The following ESR1 variants were observed in gnomAD, a reference collection of about 807,000 sequenced individuals.
The protein encoded by ESR1 is estrogen receptor 1.
A neutral mutation model predicts 52.7 loss-of-function variants in ESR1; 12 were observed. The ratio of observed to expected loss-of-function variants is 0.23; its 90% CI spans 0.15 to 0.37. ESR1 has a LOEUF of 0.37. Ranked by LOEUF, ESR1 falls within the 10% of genes least tolerant of loss-of-function variation. The pLI is 1.00. For missense variants in ESR1, 584 were observed against 779.7 expected, an observed-to-expected ratio of 0.75 and a Z score of 2.99; for synonymous variants, 305 against 316.8, an observed-to-expected ratio of 0.96 and a Z score of 0.39.
intron 2 of ESR1, among the ~76,000 whole-genome samples, chr6:151,795,801 T>C (rs962721976): frequency 3.9e-5 from 6 of 152,158 alleles, no homozygotes; most frequent in Non-Finnish European, 1.5e-5. Context: ...AATGGGGAAC[T>C]GGTAAAATAA....
At chr6:151,961,361 G>C (rs1422576961) in intron 4 of ESR1, among the ~76,000 whole-genome samples, 1 of 152,180 alleles carries the variant, frequency 6.6e-6, no homozygotes, top group African/African-American at 2.4e-5. Flanking sequence ...TGCTGCTATT[G>C]GGTCAAGTAG....
intron 2 of ESR1, among the ~76,000 whole-genome samples, chr6:151,796,341 G>A (rs1052110890): frequency 4.6e-5 from 7 of 152,128 alleles, no homozygotes; most frequent in Non-Finnish European, 1.0e-4. Context: ...ATGTGTGTGT[G>A]TGTTTTCTTC....
chr6:151,796,240 A>G (rs1048722812), intron 2 of ESR1, among the ~76,000 whole-genome samples: 1 of 152,142 alleles, frequency 6.6e-6, no homozygotes, highest in African/African-American at 2.4e-5. Flanking sequence ...AAAGATATCC[A>G]AGATATGTTG....
chr6:151,732,512 A>ATGTTTGTGTATGTGTGTG (rs1422772421), intron 2 of ESR1, among the ~76,000 whole-genome samples: 5 of 144,986 alleles, frequency 3.4e-5, no homozygotes, highest in Non-Finnish European at 7.5e-5. Flanking sequence ...GGGTTCCTTT[A>ATGTTTGTGTATGTGTGTG]TGTTTGTGTA....
At chr6:151,942,684 C>G (rs986556204) in intron 3 of ESR1, among the ~76,000 whole-genome samples, 2 of 151,068 alleles carry the variant, frequency 1.3e-5, no homozygotes, top group African/African-American at 4.9e-5. Flanking sequence ...TGTCCAAATA[C>G]CTTGACAAAT....
chr6:151,952,933 C>T (rs1029697548), intron 4 of ESR1, among the ~76,000 whole-genome samples: 1 of 152,198 alleles, frequency 6.6e-6, no homozygotes. Context: ...GGGTAGCTTT[C>T]ATTTAAATAA....
rs556997351 is a variant in ESR1 at position 152,004,243 on chromosome 6, A to T, written c.1097-7413A>T. On this transcript the variant is annotated intron_variant, in intron 4 of 7. Coordinates refer to ENST00000206249, the MANE Select transcript of ESR1 (RefSeq NM_000125.4). ...ATGTCCAGAGCAGGGAAAAGCTGCT[A>T]AAGAATGTTTGAAGTAGAGTCAGAA... Among the ~76,000 whole-genome samples the T allele has an allele frequency of 2.0e-5, 3 of 152,142 alleles. No individual in the cohort carries two copies. In the South Asian group the frequency reaches 6.2e-4, roughly 32 times the overall value.
chr6:152,078,548 C>T (rs550644598), intron 6 of ESR1, among the ~76,000 whole-genome samples: 14 of 152,138 alleles, frequency 9.2e-5, no homozygotes, highest in East Asian at 3.9e-4. Flanking sequence ...TAGCTCCCAG[C>T]GAGATCGAAG....
rs1245038477 is a variant in ESR1, at chr6:152,084,331, T to C, written c.1370-10054T>C. On this transcript the variant is annotated intron_variant, in intron 6 of 7. Coordinates refer to ENST00000206249, the MANE Select transcript of ESR1 (RefSeq NM_000125.4). ...AGAAATACCTAATGTAAATGATGAG[T>C]TGATGGGTGCAGCAAACCAACATGG... Among the ~76,000 whole-genome samples, 5 of 151,750 alleles carry C rather than the reference T, an allele frequency of 3.3e-5. 1 individual carries two copies. The South Asian group carries it at 1.0e-3, about 32-fold the overall frequency.
At position 151,949,931 on chromosome 6, in the gene ESR1, G is replaced by C. The variant is rs7742045; in HGVS notation, c.1096+5423G>C. Among the ~76,000 whole-genome samples, 632 of 152,326 alleles carry C rather than the reference G, an allele frequency of 4.1e-3. 2 individuals carry two copies. Among genetic ancestry groups the C allele is most frequent in the African/African-American group, 0.014 (579 of 41,558 alleles). On this transcript the variant is annotated intron_variant, in intron 4 of 7. Coordinates refer to ENST00000206249, the MANE Select transcript of ESR1 (RefSeq NM_000125.4). Reference sequence around the variant, plus strand: ...TCAGTGAGTGATATGGTTTGCCTGTGTCCCCACCCAAATTTCATCTTGAAT... The same window carrying C: ...TCAGTGAGTGATATGGTTTGCCTGTCTCCCCACCCAAATTTCATCTTGAAT...
At chr6:152,073,158 C>T (rs540668440) in intron 6 of ESR1, among the ~76,000 whole-genome samples, 8 of 152,036 alleles carry the variant, frequency 5.3e-5, no homozygotes, top group South Asian at 4.2e-4. Context: ...TGAAGAGTTT[C>T]GGAAATGTGA....
chr6:152,082,301 G>C (rs916474647), intron 6 of ESR1, among the ~76,000 whole-genome samples: 18 of 152,164 alleles, frequency 1.2e-4, no homozygotes, highest in Admixed American at 5.2e-4. Flanking sequence ...TGCAAGACTG[G>C]TTCAACATAC....
chr6:151,837,869 CCTT>C lies in ESR1; in HGVS notation c.453-4726_453-4724del, dbSNP rs148594338. 3.7e-3 allele frequency among the ~76,000 whole-genome samples: 570 copies of C among 152,258 alleles called. 3 individuals are homozygous for C. Among genetic ancestry groups the C allele is most frequent in the African/African-American group, 0.013 (536 of 41,546 alleles). ...TAATTTTGCTAAAGAAGTAGGTAAA[CCTT>C]CACTTATAATAAAGGGATAGGGCTC... On this transcript the variant is annotated intron_variant, in intron 1 of 7. Transcript: ENST00000206249.
At chr6:151,690,814 T>C (rs569138327) in intron 1 of ESR1, 2 of 152,372 alleles carry the variant, frequency 1.3e-5, no homozygotes, top group Admixed American at 1.3e-4. Context: ...TTTTGCAAAG[T>C]TACTGGCAAG....
intron 2 of ESR1, among the ~76,000 whole-genome samples, chr6:151,765,704 G>T (rs1443018713): frequency 1.3e-5 from 2 of 152,120 alleles, no homozygotes; most frequent in Non-Finnish European, 2.9e-5. Flanking sequence ...ACTTTTCATA[G>T]AAAGAGTCTG....
Position 151,773,057 on chromosome 6 carries a change from G to A in ESR1, c.-70-34786G>A, listed in dbSNP as rs114920204. On this transcript the variant is annotated intron_variant, in intron 2 of 2. Coordinates refer to the ESR1 transcript ENST00000404742. ...TAGAATGTGGCCTTATTTGGAGGTGGGGTCTTTACAGGGTTAATGGAATTA... is the reference window on the plus strand; with the variant it reads ...TAGAATGTGGCCTTATTTGGAGGTGAGGTCTTTACAGGGTTAATGGAATTA... Among the ~76,000 whole-genome samples, 897 of 152,232 alleles carry A rather than the reference G, an allele frequency of 5.9e-3. 9 individuals are homozygous for A. Among genetic ancestry groups the A allele is most frequent in the African/African-American group, 0.021 (871 of 41,530 alleles).
chr6:151,882,648 C>G (rs957940395), intron 3 of ESR1, among the ~76,000 whole-genome samples: 1 of 152,138 alleles, frequency 6.6e-6, no homozygotes, highest in Non-Finnish European at 1.5e-5. Flanking sequence ...AGCACAGGCT[C>G]TTCCATACAT....
At chr6:152,044,406 G>T (rs3020362) in intron 5 of ESR1, among the ~76,000 whole-genome samples, 68,248 of 152,016 alleles carry the variant, frequency 0.45, 17,585 homozygotes, top group African/African-American at 0.7. Flanking sequence ...GTCAGGATTC[G>T]CTAGAGGGAC....
At chr6:151,978,130 T>C (rs1200769080) in intron 4 of ESR1, among the ~76,000 whole-genome samples, 3 of 152,048 alleles carry the variant, frequency 2.0e-5, no homozygotes, top group African/African-American at 7.2e-5. Flanking sequence ...GAAGGGTGCT[T>C]GAAATGCACA....
Sources: gnomAD v4.1 joint callset for allele counts (sites outside exome capture counted in the v4.1 genomes callset) on GRCh38, gnomAD v4.1.1 for gene constraint, MANE v1.5 for transcripts, NCBI Gene and HGNC (gene_info 2026-07-23, HGNC 2026-07-21) for gene names.